The following KCTD19 variants were observed in gnomAD, a reference collection of about 807,000 sequenced individuals.
KCTD19 encodes BTB/POZ domain-containing protein KCTD19.
Under a neutral mutation model 103.5 loss-of-function variants are expected in KCTD19, and 67 were observed. That is an observed-to-expected ratio of 0.65 (90% CI 0.53 to 0.79). The LOEUF is 0.79. Ranked by LOEUF, KCTD19 falls within the 30% of genes least tolerant of loss-of-function variation. The pLI, the probability that KCTD19 is intolerant of heterozygous loss-of-function variation, is 0.00. For missense variants in KCTD19, 980 were observed against 1,136.1 expected, an observed-to-expected ratio of 0.86 and a Z score of 1.98; for synonymous variants, 439 against 452.2, an observed-to-expected ratio of 0.97 and a Z score of 0.37.
At position 67,319,772 on chromosome 16, in the gene KCTD19, T is replaced by C. The variant is rs560344629; in HGVS notation, c.300+817A>G. Among the ~76,000 whole-genome samples, 7 of 151,756 alleles carry C rather than the reference T, an allele frequency of 4.6e-5. No homozygotes were observed. The East Asian group carries it at 1.4e-3, about 29-fold the overall frequency. On this transcript the variant is annotated intron_variant, in intron 2 of 15. Transcript: ENST00000304372. ...AAGGAAAGATTCTGCAGAACTTGTTTTTTTTTTTCTCTCTCTTGACATTTG... is the reference window on the plus strand; with the variant it reads ...AAGGAAAGATTCTGCAGAACTTGTTCTTTTTTTTCTCTCTCTTGACATTTG...
chr16:67,306,426 T>C (rs963662287), intron 2 of KCTD19, among the ~76,000 whole-genome samples: 8 of 152,102 alleles, frequency 5.3e-5, no homozygotes, highest in Non-Finnish European at 1.2e-4. Flanking sequence ...CCACCATGCC[T>C]GGCTAATTTT....
At chr16:67,317,677 A>G (rs2037027112) in intron 2 of KCTD19, among the ~76,000 whole-genome samples, 2 of 152,256 alleles carry the variant, frequency 1.3e-5, no homozygotes, top group East Asian at 1.9e-4. Context: ...ATAATAATAT[A>G]TTATTAAATT....
chr16:67,290,664 T>G (rs189955743), intron 15 of KCTD19, among the ~76,000 whole-genome samples: 1 of 152,192 alleles, frequency 6.6e-6, no homozygotes, highest in African/African-American at 2.4e-5. Context: ...ACAGCTGGTA[T>G]CATTGGAGGA....
At chr16:67,321,827 T>C (rs1309647895) in intron 1 of KCTD19, 1 of 152,238 alleles carries the variant, frequency 6.6e-6, no homozygotes, top group South Asian at 2.1e-4. Flanking sequence ...CCTCCTTTAT[T>C]GGGGATGGTC....
rs528527486 is a variant in KCTD19, at chr16:67,297,881, C to G, written c.987-218G>C. On this transcript the variant is annotated intron_variant, in intron 6 of 15. Transcript: ENST00000304372. ...TCTTGGCTCACTGCAACCTTTGCCT[C>G]CCAGGTTCAAGCAATTCTCCTGCCT... is the stretch of plus-strand genomic sequence containing the variant. Among the ~76,000 whole-genome samples the G allele has an allele frequency of 2.6e-5, 4 of 152,270 alleles. No homozygotes were observed. The East Asian group carries it at 7.7e-4, about 29-fold the overall frequency.
chr16:67,314,900 G>A (rs1331757804), intron 2 of KCTD19, among the ~76,000 whole-genome samples: 1 of 139,300 alleles, frequency 7.2e-6, no homozygotes, highest in Non-Finnish European at 1.5e-5. Context: ...TTGTCACCCA[G>A]GCTGGAACAC....
intron 2 of KCTD19, among the ~76,000 whole-genome samples, chr16:67,317,883 G>C (rs2037029276): frequency 6.6e-6 from 1 of 152,156 alleles, no homozygotes; most frequent in East Asian, 1.9e-4. Flanking sequence ...TGGGCTGCCT[G>C]AGTAGAGTCT....
Position 67,319,442 on chromosome 16 carries a change from G to A in KCTD19, c.300+1147C>T, listed in dbSNP as rs139649192. ...AGCTACACTGCAGCTTGTTGGGTTA[G>A]TGCTGATAGAGACGGAATAAACACC... On this transcript the variant is annotated intron_variant, in intron 2 of 15. Transcript: ENST00000304372. 5.1e-3 allele frequency among the ~76,000 whole-genome samples: 777 copies of A among 152,224 alleles called. 10 individuals carry two copies. Among genetic ancestry groups the A allele is most frequent in the East Asian group, 0.019 (96 of 5,182 alleles).
chr16:67,301,993 G>A (rs1193645207), intron 4 of KCTD19, 71 bp from the exon 5 acceptor site: 2 of 1,488,884 alleles, frequency 1.3e-6, no homozygotes, highest in Non-Finnish European at 9.3e-7. Flanking sequence ...CCTGGTTTTG[G>A]CAGGTTTCTG....
chr16:67,294,826 C>T, intron 10 of KCTD19, 132 bp from the exon 11 acceptor site: 2 of 940,202 alleles, frequency 2.1e-6, no homozygotes, highest in Non-Finnish European at 3.4e-6. Flanking sequence ...AAGGGTTTTG[C>T]CTAGGTCACT....
rs556340168 is a variant in KCTD19, at chr16:67,299,664, T to C, written c.776-91A>G. The C allele has an allele frequency of 5.1e-4, 518 of 1,022,280 alleles. 4 individuals carry two copies. In the East Asian group the frequency reaches 0.011, roughly 22 times the overall value. The allele number at this position is 1,022,280 out of a possible 1,614,324, so 63.3% of individuals were successfully genotyped here. A position where few individuals can be genotyped will look rare whatever the true frequency, so the allele number is the denominator to read the frequency against. On this transcript the variant is annotated intron_variant, in intron 5 of 15. Coordinates refer to ENST00000304372, the MANE Select transcript of KCTD19 (RefSeq NM_001100915.3). ...GGCTCGGTTCCTACTGCTGCCTCCA[T>C]TGTACCGAGGAGGCTCAGAGGAAGG...
rs997686728 is a variant in KCTD19, at chr16:67,290,891, C to T, written c.2661G>A (p.Trp887Ter). 6 of 1,612,458 alleles carry T rather than the reference C, an allele frequency of 3.7e-6. No homozygotes were observed. Among genetic ancestry groups the T allele is most frequent in the Middle Eastern group, 1.8e-4 (1 of 5,674 alleles). ...GATTGCAAGTGGCCCTCACCTCCAC[C>T]CAGCTGTACAGGCGCTCCTGGGTGT... Reference protein sequence around the residue: ...DRHTQERLYSWVELTLPFARK... With the variant: ...DRHTQERLYS The change falls in exon 15 of 16, where the codon TGG (tryptophan) becomes TGA (stop). Residue 887 changes from tryptophan to a stop codon, truncating the protein, a stop_gained. Transcript: ENST00000304372. LOFTEE classifies it high-confidence loss of function.
chr16:67,318,557 C>CAAA (rs764640736), intron 2 of KCTD19, among the ~76,000 whole-genome samples: 24 of 59,270 alleles, frequency 4.0e-4, no homozygotes, highest in East Asian at 1.6e-3. Context: ...GACTCTATCT[C>CAAA]AAAAAAAAAA....
chr16:67,297,150 CT>C (rs1412251384), intron 7 of KCTD19, among the ~76,000 whole-genome samples: 3 of 152,128 alleles, frequency 2.0e-5, no homozygotes, highest in Non-Finnish European at 4.4e-5. Context: ...TATTTTTTGG[CT>C]GTTAAATGGA....
At position 67,303,143 on chromosome 16, in the gene KCTD19, C is replaced by T; in HGVS notation, c.643+3G>A. On this transcript the variant is annotated splice_donor_region_variant and intron_variant, in intron 4 of 15. Coordinates refer to ENST00000304372, the MANE Select transcript of KCTD19 (RefSeq NM_001100915.3). The surrounding 1 kb of genome is among the most constrained non-coding windows in gnomAD (Gnocchi z 4.3). ...CCCACCCCACCCCGGACAGAGCAAT[C>T]ACCAATGAAGCGGAACTCGCTGCAC... The T allele has an allele frequency of 8.8e-7, 1 of 1,131,462 alleles. No individual in the cohort carries two copies. Among genetic ancestry groups the T allele is most frequent in the Non-Finnish European group, 1.2e-6 (1 of 813,674 alleles). 70.1% of individuals were successfully genotyped at this position (1,131,462 alleles called of 1,614,324 possible).
intron 15 of KCTD19, among the ~76,000 whole-genome samples, chr16:67,290,670 G>T (rs1330711316): frequency 6.6e-6 from 1 of 152,188 alleles, no homozygotes; most frequent in African/African-American, 2.4e-5. Flanking sequence ...GGTATCATTG[G>T]AGGAAAACTG....
Position 67,303,027 on chromosome 16 carries a change from G to T in KCTD19, c.643+119C>A. ...GCTCTGTCATGCTTCCGCTACCTCT[G>T]CCCAGGGAAGCTCCTGAGGCCCTGA... On this transcript the variant is annotated intron_variant, in intron 4 of 15. Coordinates refer to ENST00000304372, the MANE Select transcript of KCTD19 (RefSeq NM_001100915.3). This position sits in a 1 kb window ranked among gnomAD's most constrained non-coding sequence, Gnocchi z 4.3. 1 of 916,018 alleles carries T rather than the reference G, an allele frequency of 1.1e-6. No homozygotes were observed. The highest frequency in any genetic ancestry group is 1.7e-6 in the Non-Finnish European group (1 of 596,530). The allele number at this position is 916,018 out of a possible 1,614,324, so 56.7% of individuals were successfully genotyped here.
chr16:67,305,680 A>G (rs532757284), intron 2 of KCTD19: 5 of 447,066 alleles, frequency 1.1e-5, no homozygotes, highest in Non-Finnish European at 1.8e-5. Context: ...CGCTAGAAGA[A>G]GATACATAGT....
chr16:67,309,427 T>A (rs1376200771), intron 2 of KCTD19, among the ~76,000 whole-genome samples: 1 of 151,850 alleles, frequency 6.6e-6, no homozygotes, highest in African/African-American at 2.4e-5. Flanking sequence ...GGGACAGGGA[T>A]GAAGGAGAGG....
Sources: allele counts gnomAD v4.1 joint callset (sites outside exome capture counted in the v4.1 genomes callset), GRCh38; gene constraint gnomAD v4.1.1; non-coding constraint Gnocchi (gnomAD v3.1); transcripts MANE v1.5; gene names NCBI Gene and HGNC (gene_info 2026-07-23, HGNC 2026-07-21).